The following XPO6 variants were observed in gnomAD, a reference collection of about 807,000 sequenced individuals.
XPO6 encodes exportin-6.
A neutral mutation model predicts 130.0 loss-of-function variants in XPO6; 3 were observed. That is an observed-to-expected ratio of 0.02 (90% CI 0.01 to 0.06). XPO6 has a LOEUF of 0.06. XPO6 is among the 10% of genes least tolerant of loss of function. The pLI is 1.00. For synonymous variants in XPO6, 524 were observed against 548.9 expected, an observed-to-expected ratio of 0.95 and a Z score of 0.63; for missense variants, 970 against 1,393.0, an observed-to-expected ratio of 0.70 and a Z score of 4.83.
intron 1 of XPO6, among the ~76,000 whole-genome samples, chr16:28,190,098 A>G (rs1165833646): frequency 6.6e-6 from 1 of 152,234 alleles, no homozygotes; most frequent in Admixed American, 6.5e-5. Flanking sequence ...TAGAGGAAAC[A>G]TCTTTGTATA....
chr16:28,163,347 T>A (rs1273401781), intron 6 of XPO6, among the ~76,000 whole-genome samples: 8 of 152,262 alleles, frequency 5.3e-5, no homozygotes, highest in Admixed American at 5.2e-4. Flanking sequence ...TACATCCTCA[T>A]CCTGAAGAAC....
At chr16:28,129,317 C>T (rs2042621528) in intron 12 of XPO6, among the ~76,000 whole-genome samples, 1 of 152,204 alleles carries the variant, frequency 6.6e-6, no homozygotes, top group African/African-American at 2.4e-5. Flanking sequence ...TCACGCAGGG[C>T]ATCAAGTAAA....
At chr16:28,143,559 CA>C (rs1456606058) in intron 9 of XPO6, among the ~76,000 whole-genome samples, 1 of 152,190 alleles carries the variant, frequency 6.6e-6, no homozygotes, top group African/African-American at 2.4e-5. Flanking sequence ...TAATGATCTG[CA>C]AAAGTGTGTG....
chr16:28,098,688 C>A, intron 23 of XPO6, 49 bp from the exon 24 acceptor site: 2 of 1,382,918 alleles, frequency 1.4e-6, no homozygotes, highest in Non-Finnish European at 2.0e-6. Context: ...AGGTCACCCA[C>A]CCACCAGACC....
intron 21 of XPO6, among the ~76,000 whole-genome samples, chr16:28,103,761 T>C (rs1433308384): frequency 6.6e-6 from 1 of 152,170 alleles, no homozygotes; most frequent in Non-Finnish European, 1.5e-5. Flanking sequence ...TGAAAAGAAC[T>C]GCCACACAAG....
rs908496728 is a variant in XPO6, at chr16:28,174,924, C to T, written c.405+974G>A. On this transcript the variant is annotated intron_variant, in intron 4 of 23. Coordinates refer to ENST00000304658, the MANE Select transcript of XPO6 (RefSeq NM_015171.4). ...ATGAGCAACAGCATCTCCCTCGTAG[C>T]TTTTAGGTCCCAGTTACTCCCTTCT... Among the ~76,000 whole-genome samples, 11 of 152,308 alleles carry T rather than the reference C, an allele frequency of 7.2e-5. No individual in the cohort carries two copies. The South Asian group carries it at 2.1e-3, about 29-fold the overall frequency.
intron 20 of XPO6, 21 bp from the exon 21 acceptor site, chr16:28,104,728 TCA>T: frequency 1.9e-6 from 3 of 1,612,706 alleles, no homozygotes; most frequent in Non-Finnish European, 2.5e-6. Context: ...ACACAGACGC[TCA>T]GACCTGCAGC....
intron 8 of XPO6, 33 bp downstream of exon 8, chr16:28,152,626 C>A: frequency 6.3e-7 from 1 of 1,588,740 alleles, no homozygotes; most frequent in South Asian, 1.2e-5. Flanking sequence ...TAAACCTTTT[C>A]TCTGGAAGGG....
chr16:28,199,184 A>T (rs1436258902), intron 1 of XPO6, among the ~76,000 whole-genome samples: 1 of 152,200 alleles, frequency 6.6e-6, no homozygotes, highest in African/African-American at 2.4e-5. Context: ...TTTTTATAAA[A>T]ATGTTTTTAT....
At chr16:28,110,592 T>A (rs934111604) in intron 17 of XPO6, among the ~76,000 whole-genome samples, 5 of 152,006 alleles carry the variant, frequency 3.3e-5, no homozygotes, top group Non-Finnish European at 7.4e-5. Context: ...CCAACATAAC[T>A]CCCATGTAAG....
At chr16:28,107,741 A>C in intron 17 of XPO6, 64 bp from the exon 18 acceptor site, 1 of 1,584,440 alleles carries the variant, frequency 6.3e-7, no homozygotes, top group Non-Finnish European at 8.6e-7. Context: ...AAGAGGAGAC[A>C]CAAGGGAGAG....
intron 10 of XPO6, among the ~76,000 whole-genome samples, chr16:28,134,674 T>C (rs979136362): frequency 6.6e-6 from 1 of 152,188 alleles, no homozygotes; most frequent in Non-Finnish European, 1.5e-5. Flanking sequence ...AATTTTAAAG[T>C]GCCTAATGGT....
intron 3 of XPO6, among the ~76,000 whole-genome samples, chr16:28,176,326 C>T (rs1306736822): frequency 6.6e-6 from 1 of 152,110 alleles, no homozygotes; most frequent in Non-Finnish European, 1.5e-5. Context: ...TGTGCAAAAA[C>T]TTTTTTACAC....
At chr16:28,157,794 G>A (rs972246716) in intron 6 of XPO6, among the ~76,000 whole-genome samples, 1 of 152,222 alleles carries the variant, frequency 6.6e-6, no homozygotes, top group Non-Finnish European at 1.5e-5. Context: ...ATGGATGCAG[G>A]AACCTTCACA....
chr16:28,176,499 ATTT>A (rs879328103), intron 3 of XPO6, among the ~76,000 whole-genome samples: 2 of 143,634 alleles, frequency 1.4e-5, no homozygotes, highest in Admixed American at 7.0e-5. Flanking sequence ...TTACAATTAG[ATTT>A]TTTTTTTTTT....
At chr16:28,185,738 G>A (rs922712277) in intron 1 of XPO6, among the ~76,000 whole-genome samples, 1 of 152,152 alleles carries the variant, frequency 6.6e-6, no homozygotes, top group African/African-American at 2.4e-5. Context: ...TGCCAGGATG[G>A]CAGCACAAGG....
chr16:28,174,887 C>A (rs1567638934), intron 4 of XPO6, among the ~76,000 whole-genome samples: 4 of 152,162 alleles, frequency 2.6e-5, no homozygotes, highest in South Asian at 2.1e-4. Flanking sequence ...CCAACTTGAT[C>A]ACAGGATTCA....
chr16:28,163,108 G>C (rs994226533), intron 6 of XPO6, among the ~76,000 whole-genome samples: 30 of 152,088 alleles, frequency 2.0e-4, no homozygotes, highest in Admixed American at 1.6e-3. Flanking sequence ...TCCCCTGCAG[G>C]ACAAACCACA....
rs146534168 is a variant in XPO6 at position 28,100,027 on chromosome 16, G to A, written c.3277-1388C>T. Among the ~76,000 whole-genome samples the A allele has an allele frequency of 4.7e-3, 720 of 151,840 alleles. 5 individuals carry two copies. The highest frequency in any genetic ancestry group is 0.016 in the African/African-American group (666 of 41,358). On this transcript the variant is annotated intron_variant, in intron 23 of 23. Coordinates refer to ENST00000304658, the MANE Select transcript of XPO6 (RefSeq NM_015171.4). ...TTTTGAGACAAAGTCCCACTCTGCC[G>A]CCCAGGCTGGAGTGCAGTGGCACAA...
Sources: allele counts gnomAD v4.1 joint callset (sites outside exome capture counted in the v4.1 genomes callset), GRCh38; gene constraint gnomAD v4.1.1; transcripts MANE v1.5; gene names NCBI Gene and HGNC (gene_info 2026-07-23, HGNC 2026-07-21).